EVL: variants seen among roughly 807,000 people sequenced by gnomAD.
EVL encodes Enah/Vasp-like.
EVL carries 21 observed loss-of-function variants against 59.6 expected under a neutral mutation model. The ratio of observed to expected loss-of-function variants is 0.35; its 90% CI spans 0.25 to 0.51. The LOEUF (loss-of-function observed/expected upper bound fraction) is 0.51. Among genes scored for constraint, EVL ranks in the 20% least tolerant of loss-of-function variants. EVL has a pLI of 0.97. For missense variants in EVL, 462 were observed against 546.6 expected, an observed-to-expected ratio of 0.85 and a Z score of 1.54; for synonymous variants, 198 against 203.5, an observed-to-expected ratio of 0.97 and a Z score of 0.23.
intron 1 of EVL, among the ~76,000 whole-genome samples, chr14:100,075,696 C>G (rs946402861): frequency 1.3e-5 from 2 of 152,132 alleles, no homozygotes; most frequent in African/African-American, 4.8e-5. Flanking sequence ...AAGTGGCTGT[C>G]CTGACGGCTT....
At position 100,025,732 on chromosome 14, in the gene EVL, A is replaced by G. The variant is rs532596901; in HGVS notation, c.5+53675A>G. ...TACCTGAGGTCAAGAGTTCAAGACC[A>G]GCCTGACCAACATGGAGAAACCCCT... On this transcript the variant is annotated intron_variant, in intron 1 of 13. Transcript: ENST00000402714. Among the ~76,000 whole-genome samples the G allele has an allele frequency of 2.2e-4, 33 of 152,260 alleles. 1 individual carries two copies. In the South Asian group the frequency reaches 6.9e-3, roughly 32 times the overall value.
At chr14:100,125,122 C>CCA (rs57005382) in intron 4 of EVL, among the ~76,000 whole-genome samples, 53,498 of 102,788 alleles carry the variant, frequency 0.52, 15,768 homozygotes, top group Non-Finnish European at 0.56. Flanking sequence ...CAAGGCGGGA[C>CCA]CACACACACA....
chr14:100,059,840 C>T (rs1266273703), intron 1 of EVL, among the ~76,000 whole-genome samples: 1 of 152,146 alleles, frequency 6.6e-6, no homozygotes, highest in Non-Finnish European at 1.5e-5. Flanking sequence ...CCAGTAATTT[C>T]CCTGACTACC....
intron 1 of EVL, among the ~76,000 whole-genome samples, chr14:100,031,430 C>T (rs2061313405): frequency 6.6e-6 from 1 of 152,164 alleles, no homozygotes; most frequent in African/African-American, 2.4e-5. Flanking sequence ...CAGAGATGTT[C>T]AGAGAGGAGA....
intron 1 of EVL, among the ~76,000 whole-genome samples, chr14:100,056,767 G>A (rs893520504): frequency 5.9e-5 from 9 of 152,084 alleles, no homozygotes; most frequent in African/African-American, 1.9e-4. Flanking sequence ...TTGAAAAAAC[G>A]AGGCCCTATC....
chr14:100,045,835 A>G (rs751830026), intron 1 of EVL, among the ~76,000 whole-genome samples: 10 of 152,342 alleles, frequency 6.6e-5, no homozygotes, highest in East Asian at 1.9e-4. Flanking sequence ...GAATGAATCA[A>G]TGAATTCTTG....
At chr14:100,116,542 CCTT>C (rs1376539866) in intron 3 of EVL, among the ~76,000 whole-genome samples, 4 of 152,142 alleles carry the variant, frequency 2.6e-5, no homozygotes, top group Non-Finnish European at 5.9e-5. Flanking sequence ...AAGAGGAAGG[CCTT>C]CTTCAGGAGG....
In EVL at chr14:100,053,690, T is replaced by C. The variant is rs2061681512; in HGVS notation, c.6-30997T>C. Among the ~76,000 whole-genome samples, 2 of 152,260 alleles carry C rather than the reference T, an allele frequency of 1.3e-5. 1 individual carries two copies. Among genetic ancestry groups the C allele is most frequent in the South Asian group, 4.1e-4 (2 of 4,836 alleles). ...ACCACTGAATTGCACACTGTAAAAC[T>C]GTGACTTTGTAACCACCATCTTTAT... is the stretch of plus-strand genomic sequence containing the variant. On this transcript the variant is annotated intron_variant, in intron 1 of 13. Transcript: ENST00000402714.
At chr14:100,056,773 C>G (rs945127562) in intron 1 of EVL, among the ~76,000 whole-genome samples, 1 of 152,150 alleles carries the variant, frequency 6.6e-6, no homozygotes, top group Non-Finnish European at 1.5e-5. Flanking sequence ...AAACGAGGCC[C>G]TATCTGTCCC....
chr14:100,108,456 C>T lies in EVL; in HGVS notation c.358+10798C>T, dbSNP rs148583271. Among the ~76,000 whole-genome samples the T allele has an allele frequency of 4.0e-3, 605 of 152,326 alleles. 2 individuals are homozygous for T. Among genetic ancestry groups the T allele is most frequent in the African/African-American group, 0.014 (572 of 41,558 alleles). ...ATGGCCCTGCCTGAGGGGAACAGGA[C>T]GGCAAGCCCCTGGCCTCCTGCCTGC... On this transcript the variant is annotated intron_variant, in intron 3 of 13. Transcript: ENST00000392920. This position sits in a 1 kb window ranked among gnomAD's most constrained non-coding sequence, Gnocchi z 4.1.
At chr14:100,133,806 G>T (rs924617668) in intron 8 of EVL, among the ~76,000 whole-genome samples, 3 of 151,272 alleles carry the variant, frequency 2.0e-5, no homozygotes, top group African/African-American at 7.2e-5. Flanking sequence ...GCATGGTGGC[G>T]CATGCCTGTA....
In EVL at chr14:100,097,488, T is replaced by C; in HGVS notation, c.188T>C (p.Ile63Thr). ...CTCTCCTTTCTCCTCCAGGTTGTGA[T>C]CAATTATTCAATCGTGAAAGGGCTG... Reference protein sequence around the residue: ...GVKLQDQQVVINYSIVKGLKY... With the variant: ...GVKLQDQQVVTNYSIVKGLKY... Residue 63 changes from isoleucine (I) to threonine (T), a missense_variant, in exon 3 of 14, where the codon ATC (isoleucine) becomes ACC (threonine). Ile to Thr is a moderately conservative substitution (Grantham distance 89). Transcript: ENST00000392920. The C allele has an allele frequency of 6.2e-7, 1 of 1,604,438 alleles. No homozygotes were observed. Among genetic ancestry groups the C allele is most frequent in the Non-Finnish European group, 8.5e-7 (1 of 1,176,356 alleles).
At chr14:100,023,371 A>ATTTTTTTTTTTTTTTTTTTTTTTT (rs1010647617) in intron 1 of EVL, among the ~76,000 whole-genome samples, 1 of 90,772 alleles carries the variant, frequency 1.1e-5, no homozygotes, top group Non-Finnish European at 2.1e-5. Flanking sequence ...AGCCCGGCTA[A>ATTTTTTTTTTTTTTTTTTTTTTTT]TTTTTTTTTT....
At chr14:100,140,106 A>G (rs575712897) in intron 11 of EVL, 2 of 148,864 alleles carry the variant, frequency 1.3e-5, no homozygotes, top group African/African-American at 4.9e-5. Flanking sequence ...GTTAAAAAAG[A>G]AAAAAAAAAG....
At chr14:100,039,653 T>TA (rs202154468) in intron 1 of EVL, among the ~76,000 whole-genome samples, 2,688 of 152,300 alleles carry the variant, frequency 0.018, 35 homozygotes, top group Non-Finnish European at 0.026. Context: ...AATTTCTAAA[T>TA]AAACAACAAC....
At chr14:100,112,940 G>C (rs562195006) in intron 3 of EVL, among the ~76,000 whole-genome samples, 29 of 152,320 alleles carry the variant, frequency 1.9e-4, no homozygotes, top group Non-Finnish European at 3.2e-4. Flanking sequence ...AGATGAATAA[G>C]ACTTGGTCCC....
intron 3 of EVL, among the ~76,000 whole-genome samples, chr14:100,111,148 A>ATTTTTT (rs35367426): frequency 8.6e-4 from 75 of 86,804 alleles, no homozygotes; most frequent in Non-Finnish European, 1.0e-3. Context: ...TAGTGTCCTC[A>ATTTTTT]TTTTTTTTTT....
intron 3 of EVL, among the ~76,000 whole-genome samples, chr14:100,111,364 C>T (rs996529278): frequency 2.6e-5 from 4 of 151,834 alleles, no homozygotes; most frequent in Non-Finnish European, 5.9e-5. Flanking sequence ...ACCATGTTGG[C>T]CAGGCTGGTC....
intron 7 of EVL, among the ~76,000 whole-genome samples, chr14:100,131,315 C>T (rs751490152): frequency 8.5e-5 from 13 of 152,188 alleles, no homozygotes; most frequent in African/African-American, 1.7e-4. Flanking sequence ...TGCCAGATGC[C>T]GGTGGGAGAG....
Sources: allele counts gnomAD v4.1 joint callset (sites outside exome capture counted in the v4.1 genomes callset), GRCh38; gene constraint gnomAD v4.1.1; non-coding constraint Gnocchi (gnomAD v3.1); transcripts MANE v1.5; gene names NCBI Gene and HGNC (gene_info 2026-07-23, HGNC 2026-07-21).